Variants in PAX5 observed in about 807,000 individuals in gnomAD.
PAX5 encodes the protein paired box 5.
A neutral mutation model predicts 43.7 loss-of-function variants in PAX5; 9 were observed. The observed-to-expected ratio is 0.21, with a 90% CI of 0.12 to 0.36. The LOEUF is 0.36. Among genes scored for constraint, PAX5 ranks in the 10% least tolerant of loss-of-function variants. The pLI, the probability that PAX5 is intolerant of heterozygous loss-of-function variation, is 1.00. For synonymous variants in PAX5, 228 were observed against 214.3 expected (o/e 1.06, Z -0.56); for missense variants, 383 against 532.7 (o/e 0.72, Z 2.77).
At chr9:37,016,937 G>T (rs551597575) in intron 2 of PAX5, among the ~76,000 whole-genome samples, 3 of 152,158 alleles carry the variant, frequency 2.0e-5, no homozygotes, top group Non-Finnish European at 4.4e-5. Context: ...TCATTGAAAA[G>T]AGTGAGTCAT....
chr9:36,866,857 C>T (rs1323057016), intron 8 of PAX5, among the ~76,000 whole-genome samples: 1 of 152,138 alleles, frequency 6.6e-6, no homozygotes, highest in Non-Finnish European at 1.5e-5. Flanking sequence ...CACACAACGG[C>T]CTCTCCGTTG....
intron 8 of PAX5, among the ~76,000 whole-genome samples, chr9:36,860,260 C>T (rs751511510): frequency 1.6e-4 from 25 of 151,974 alleles, no homozygotes; most frequent in Admixed American, 3.3e-4. Context: ...TCACTTGAAC[C>T]CAGGAGGCAG....
At chr9:36,957,481 A>G (rs1219930104) in intron 6 of PAX5, among the ~76,000 whole-genome samples, 1 of 152,174 alleles carries the variant, frequency 6.6e-6, no homozygotes, top group African/African-American at 2.4e-5. Context: ...TGGCAACCCT[A>G]CAGAGGAAGA....
rs1839768687 is a variant in PAX5, at chr9:37,020,561, T to C, written c.212+75A>G. 2.0e-5 allele frequency: 28 copies of C among 1,427,764 alleles called. No individual in the cohort carries two copies. The South Asian group carries it at 3.3e-4, about 17-fold the overall frequency. The allele number at this position is 1,427,764 out of a possible 1,614,324, so 88.4% of individuals were successfully genotyped here. On this transcript the variant is annotated intron_variant, in intron 2 of 9. Coordinates refer to ENST00000358127, the MANE Select transcript of PAX5 (RefSeq NM_016734.3). ...CATGATTCTCACTATGATACTGTCA[T>C]ATTGGACAGCTGCTGGGTCATGTTT...
chr9:36,946,270 G>T (rs578104670), intron 6 of PAX5, among the ~76,000 whole-genome samples: 1 of 152,300 alleles, frequency 6.6e-6, no homozygotes, highest in Non-Finnish European at 1.5e-5. Flanking sequence ...CAGGAACTCC[G>T]CAATGCCAAG....
chr9:37,009,853 A>C (rs970970236), intron 3 of PAX5, among the ~76,000 whole-genome samples: 4 of 152,168 alleles, frequency 2.6e-5, no homozygotes, highest in African/African-American at 9.7e-5. Context: ...TAATAATAAT[A>C]AAGCACAAGT....
intron 6 of PAX5, among the ~76,000 whole-genome samples, chr9:36,929,118 G>C (rs768921275): frequency 6.6e-6 from 1 of 152,018 alleles, no homozygotes; most frequent in Non-Finnish European, 1.5e-5. Context: ...ACTTAACTTA[G>C]ATACACATAC....
At chr9:36,960,337 G>A (rs1163054754) in intron 6 of PAX5, among the ~76,000 whole-genome samples, 2 of 152,216 alleles carry the variant, frequency 1.3e-5, no homozygotes, top group Non-Finnish European at 2.9e-5. Context: ...GCACACGCCA[G>A]CCCTGGGAGA....
intron 2 of PAX5, among the ~76,000 whole-genome samples, chr9:37,018,192 CATAAA>C (rs968255634): frequency 3.9e-5 from 6 of 152,138 alleles, no homozygotes; most frequent in Non-Finnish European, 8.8e-5. Flanking sequence ...CTTTGCAAAA[CATAAA>C]ATAAAGAGCA....
chr9:37,014,968 C>A (rs1839269192), intron 3 of PAX5, 29 bp downstream of exon 3: 1 of 1,604,406 alleles, frequency 6.2e-7, no homozygotes, highest in Non-Finnish European at 8.5e-7. Context: ...CCTCCAAATC[C>A]CCAACCCCCA....
intron 1 of PAX5, 101 bp downstream of exon 1, chr9:37,033,885 A>AT (rs1841260801): frequency 1.7e-5 from 17 of 990,550 alleles, no homozygotes; most frequent in Non-Finnish European, 2.7e-5. Flanking sequence ...CTCTACGAAA[A>AT]TGCGGCGCGC....
chr9:36,969,216 C>T (rs1654678334), intron 5 of PAX5, among the ~76,000 whole-genome samples: 1 of 152,334 alleles, frequency 6.6e-6, no homozygotes, highest in Admixed American at 6.5e-5. Context: ...CCGCTGAGGC[C>T]TGGCTCTGTC....
Position 36,833,871 on chromosome 9 carries a change from ATT to A in PAX5, c.*6687_*6688del, listed in dbSNP as rs11378713. On this transcript the variant is annotated 3_prime_UTR_variant, in exon 10 of 10. Coordinates refer to ENST00000358127, the MANE Select transcript of PAX5 (RefSeq NM_016734.3). ...TGTTGGTTTTTTTGTATTTTTTTGTATTTTTTTTTTTTTACAAGTAAGCGTCT... is the reference window on the plus strand; with the variant it reads ...TGTTGGTTTTTTTGTATTTTTTTGTATTTTTTTTTTTACAAGTAAGCGTCT... The A allele has an allele frequency of 6.4e-5, 14 of 217,668 alleles. No individual in the cohort carries two copies. Among genetic ancestry groups the A allele is most frequent in the African/African-American group, 2.3e-4 (10 of 43,054 alleles). The allele number at this position is 217,668 out of a possible 1,614,324, so 13.5% of individuals were successfully genotyped here. A position where few individuals can be genotyped will look rare whatever the true frequency, so the allele number is the denominator to read the frequency against.
chr9:37,028,000 C>A (rs1465282311), intron 1 of PAX5, among the ~76,000 whole-genome samples: 1 of 152,228 alleles, frequency 6.6e-6, no homozygotes, highest in East Asian at 1.9e-4. Context: ...TGGAGAGTCC[C>A]GCTGCGGGTC....
At chr9:36,910,280 CT>C (rs1829158831) in intron 7 of PAX5, among the ~76,000 whole-genome samples, 1 of 152,094 alleles carries the variant, frequency 6.6e-6, no homozygotes, top group Admixed American at 6.6e-5. Flanking sequence ...CCCATTGTCC[CT>C]TTTTTACGCA....
chr9:36,984,435 C>CTTTTTTTTTTTTTTTTTTTTTTTTTTTTT lies in PAX5; in HGVS notation c.605-17712_605-17711insAAAAAAAAAAAAAAAAAAAAAAAAAAAAA, dbSNP rs10663927. On this transcript the variant is annotated intron_variant, in intron 5 of 9. Transcript: ENST00000358127. ...GCCCTGGATTGGTTATTGAACCTCTCTTTTTTTTTTTTTTTTTTTTTTGAG... is the reference window on the plus strand; with the variant it reads ...GCCCTGGATTGGTTATTGAACCTCTCTTTTTTTTTTTTTTTTTTTTTTTTTTTTTTTTTTTTTTTTTTTTTTTTTTTGAG... Among the ~76,000 whole-genome samples, 7 of 66,882 alleles carry CTTTTTTTTTTTTTTTTTTTTTTTTTTTTT rather than the reference C, an allele frequency of 1.0e-4. 1 individual carries two copies. Among genetic ancestry groups the CTTTTTTTTTTTTTTTTTTTTTTTTTTTTT allele is most frequent in the African/African-American group, 4.6e-4 (7 of 15,110 alleles). 43.9% of individuals were successfully genotyped at this position (66,882 alleles called of 152,430 possible).
chr9:36,975,738 G>C (rs80338289), intron 5 of PAX5, among the ~76,000 whole-genome samples: 1 of 152,136 alleles, frequency 6.6e-6, no homozygotes, highest in Non-Finnish European at 1.5e-5. Context: ...TGTAGAGTGG[G>C]ATAATAATAG....
Position 37,011,128 on chromosome 9 carries a change from CAAAAAAAAA to C in PAX5, c.410+3860_410+3868del, listed in dbSNP as rs1225031293. On this transcript the variant is annotated intron_variant, in intron 3 of 9. Transcript: ENST00000358127. Reference sequence around the variant, plus strand: ...AGAGTGAGACCCTGTCTCAAAAAAACAAAAAAAAAAAAAAAAAAAGAAAGAGGAAATGGA... The same window carrying C: ...AGAGTGAGACCCTGTCTCAAAAAAACAAAAAAAAAAGAAAGAGGAAATGGA... Among the ~76,000 whole-genome samples, 4 of 100,980 alleles carry C rather than the reference CAAAAAAAAA, an allele frequency of 4.0e-5. No individual in the cohort carries two copies. The East Asian group carries it at 1.1e-3, about 28-fold the overall frequency. The allele number at this position is 100,980 out of a possible 152,430, so 66.2% of individuals were successfully genotyped here.
At chr9:36,955,894 T>C (rs952840901) in intron 6 of PAX5, among the ~76,000 whole-genome samples, 4 of 152,018 alleles carry the variant, frequency 2.6e-5, no homozygotes, top group South Asian at 4.2e-4. Context: ...GATCTTGTTA[T>C]AAGAATCAGA....
Sources: gnomAD v4.1 joint callset for allele counts (sites outside exome capture counted in the v4.1 genomes callset) on GRCh38, gnomAD v4.1.1 for gene constraint, MANE v1.5 for transcripts, NCBI Gene and HGNC (gene_info 2026-07-23, HGNC 2026-07-21) for gene names.